Variants in EDEM2 observed in about 807,000 individuals in gnomAD.
EDEM2 encodes the protein ER degradation-enhancing alpha-mannosidase-like protein 2.
In EDEM2, 39 loss-of-function variants were observed where a neutral mutation model predicts 64.8. The ratio of observed to expected loss-of-function variants is 0.60; its 90% CI spans 0.47 to 0.79. The LOEUF (loss-of-function observed/expected upper bound fraction) is 0.79, where lower values mean the gene tolerates loss of function less well. Ranked by LOEUF, EDEM2 falls within the 30% of genes least tolerant of loss-of-function variation. The pLI, the probability that EDEM2 is intolerant of heterozygous loss-of-function variation, is 0.00. For synonymous variants in EDEM2, 296 were observed against 291.5 expected, an observed-to-expected ratio of 1.02 and a Z score of -0.16; for missense variants, 609 against 731.3, an observed-to-expected ratio of 0.83 and a Z score of 1.93.
intron 4 of EDEM2, among the ~76,000 whole-genome samples, chr20:35,140,866 C>A (rs1159747907): frequency 6.6e-6 from 1 of 151,994 alleles, no homozygotes; most frequent in Non-Finnish European, 1.5e-5. Flanking sequence ...CACCTATAAT[C>A]CCAGCACTTT....
intron 10 of EDEM2, chr20:35,116,993 A>C (rs2085316753): frequency 6.6e-6 from 1 of 152,094 alleles, no homozygotes; most frequent in Admixed American, 6.6e-5. Context: ...GGGTTTCACC[A>C]TGTTGGTCAG....
intron 7 of EDEM2, among the ~76,000 whole-genome samples, chr20:35,131,172 G>A (rs1402246320): frequency 6.6e-6 from 1 of 152,220 alleles, no homozygotes; most frequent in South Asian, 2.1e-4. Flanking sequence ...GCTTCAGTTG[G>A]CTTTTGCAAG....
intron 3 of EDEM2, among the ~76,000 whole-genome samples, chr20:35,143,003 G>A (rs1416785083): frequency 6.6e-6 from 1 of 152,064 alleles, no homozygotes; most frequent in Non-Finnish European, 1.5e-5. Context: ...TGATCCACCC[G>A]CCTTGGCCTC....
chr20:35,140,885 G>A lies in EDEM2; in HGVS notation c.364+1488C>T, dbSNP rs536617277. ...TATAATCCCAGCACTTTGGGAGGCT[G>A]ATGGGGGGCGGATCACCTGAGGTCA... is the stretch of plus-strand genomic sequence containing the variant. On this transcript the variant is annotated intron_variant, in intron 4 of 10. Coordinates refer to ENST00000374492, the MANE Select transcript of EDEM2 (RefSeq NM_018217.3). 3.9e-5 allele frequency among the ~76,000 whole-genome samples: 6 copies of A among 152,196 alleles called. No homozygotes were observed. The South Asian group carries it at 1.2e-3, about 32-fold the overall frequency.
chr20:35,128,034 C>T (rs1368740799), intron 7 of EDEM2, among the ~76,000 whole-genome samples: 2 of 152,240 alleles, frequency 1.3e-5, no homozygotes, highest in East Asian at 3.9e-4. Context: ...AATAAACAAC[C>T]ATTTACGCGT....
chr20:35,136,583 C>T (rs541692545), intron 5 of EDEM2, among the ~76,000 whole-genome samples: 7 of 151,622 alleles, frequency 4.6e-5, no homozygotes, highest in Non-Finnish European at 7.4e-5. Context: ...ATGGTGAAAC[C>T]CCATCTCTAC....
chr20:35,147,104 G>C (rs1317186026), intron 1 of EDEM2, 48 bp downstream of exon 1: 4 of 1,578,140 alleles, frequency 2.5e-6, no homozygotes, highest in Non-Finnish European at 3.5e-6. Flanking sequence ...AAAGGACCGG[G>C]TTCACGCTTC....
chr20:35,144,795 A>AT (rs1569183842), intron 3 of EDEM2, among the ~76,000 whole-genome samples, 184 bp downstream of exon 3: 1 of 152,234 alleles, frequency 6.6e-6, no homozygotes, highest in Non-Finnish European at 1.5e-5. Flanking sequence ...ATGAATCTGC[A>AT]TAAGTTGTAG....
At chr20:35,129,365 C>T (rs1307180138) in intron 7 of EDEM2, among the ~76,000 whole-genome samples, 1 of 151,660 alleles carries the variant, frequency 6.6e-6, no homozygotes, top group East Asian at 2.0e-4. Context: ...CGATATTGCA[C>T]CACTGTACTC....
At chr20:35,125,055 T>A (rs2085413599) in intron 8 of EDEM2, among the ~76,000 whole-genome samples, 1 of 152,248 alleles carries the variant, frequency 6.6e-6, no homozygotes, top group Non-Finnish European at 1.5e-5. Flanking sequence ...GGATGTCTCA[T>A]GGACAGAACA....
At chr20:35,141,529 C>T (rs969468084) in intron 4 of EDEM2, among the ~76,000 whole-genome samples, 2 of 152,152 alleles carry the variant, frequency 1.3e-5, no homozygotes, top group Non-Finnish European at 2.9e-5. Flanking sequence ...GCTCTCTTCT[C>T]TTTTTTAATC....
chr20:35,147,100 C>T (rs2085744650), intron 1 of EDEM2, 52 bp downstream of exon 1: 6 of 1,574,088 alleles, frequency 3.8e-6, no homozygotes, highest in Non-Finnish European at 5.2e-6. Context: ...AGGGAAAGGA[C>T]CGGGTTCACG....
chr20:35,138,396 C>T (rs2085606590), intron 4 of EDEM2, among the ~76,000 whole-genome samples: 1 of 152,018 alleles, frequency 6.6e-6, no homozygotes, highest in Non-Finnish European at 1.5e-5. Flanking sequence ...AAGTGACTTG[C>T]CCCAGGTCAC....
rs1400996105 is a variant in EDEM2 at position 35,147,247 on chromosome 20, C to T, written c.12G>A (p.Arg4=). MPF[R]LLIPLGLLCA... ...ACAGGAGGCCGAGCGGGATGAGCAG[C>T]CGGAAAGGCATAGAGCTCGTGTCCT... Residue 4 remains arginine (R), a synonymous_variant, in exon 1 of 11, where the codon CGG becomes CGA. Coordinates refer to ENST00000374492, the MANE Select transcript of EDEM2 (RefSeq NM_018217.3). 1.3e-6 allele frequency: 2 copies of T among 1,588,122 alleles called. No individual in the cohort carries two copies. Among genetic ancestry groups the T allele is most frequent in the Non-Finnish European group, 1.7e-6 (2 of 1,165,338 alleles).
At chr20:35,126,163 AC>A (rs1376932048) in intron 8 of EDEM2, 87 bp downstream of exon 8, 27 of 1,532,148 alleles carry the variant, frequency 1.8e-5, no homozygotes, top group Admixed American at 1.2e-4. Flanking sequence ...CAAGCAATTA[AC>A]AAAGTACATT....
chr20:35,117,408 G>C (rs1453556923), intron 10 of EDEM2, among the ~76,000 whole-genome samples: 1 of 152,118 alleles, frequency 6.6e-6, no homozygotes, highest in Non-Finnish European at 1.5e-5. Flanking sequence ...TGCCCTGTTT[G>C]AGAAAGGTCA....
intron 7 of EDEM2, among the ~76,000 whole-genome samples, chr20:35,131,217 C>G (rs1441929225): frequency 6.6e-6 from 1 of 152,178 alleles, no homozygotes; most frequent in Non-Finnish European, 1.5e-5. Context: ...ATGAAGTGGG[C>G]AGTGTAAGTC....
chr20:35,132,076 G>A (rs1169311304), intron 6 of EDEM2, among the ~76,000 whole-genome samples: 1 of 152,228 alleles, frequency 6.6e-6, no homozygotes, highest in African/African-American at 2.4e-5. Context: ...TAGAGTGAGT[G>A]TGAGATGGGA....
intron 6 of EDEM2, 31 bp from the exon 7 acceptor site, chr20:35,131,814 G>A (rs562242351): frequency 5.1e-5 from 82 of 1,605,022 alleles, no homozygotes; most frequent in Middle Eastern, 1.7e-4. Flanking sequence ...CGGTCCCAAC[G>A]GGAAGGCCGA....
Sources: gnomAD v4.1 joint callset for allele counts (sites outside exome capture counted in the v4.1 genomes callset) on GRCh38, gnomAD v4.1.1 for gene constraint, MANE v1.5 for transcripts, NCBI Gene and HGNC (gene_info 2026-07-23, HGNC 2026-07-21) for gene names.